DOK7: variants seen among roughly 807,000 people sequenced by gnomAD.
DOK7 encodes the protein docking protein 7.
DOK7 carries 32 observed loss-of-function variants against 30.7 expected under a neutral mutation model. The observed-to-expected ratio is 1.04, with a 90% CI of 0.79 to 1.40. DOK7 has a LOEUF of 1.40. Among genes scored for constraint, DOK7 ranks in the 40% most tolerant of loss-of-function variants. The probability of loss-of-function intolerance (pLI) is 0.00; values close to 1 mark genes in which losing one functional copy is unlikely to be tolerated. For synonymous variants in DOK7, 447 were observed against 324.1 expected (o/e 1.38, Z -4.07); for missense variants, 1,007 against 699.2 (o/e 1.44, Z -4.97).
At chr4:3,483,820 GCCAGCCA>G (rs1219019866) in intron 4 of DOK7, among the ~76,000 whole-genome samples, 1 of 152,220 alleles carries the variant, frequency 6.6e-6, no homozygotes, top group Admixed American at 6.5e-5. Flanking sequence ...CACTGAGTGA[GCCAGCCA>G]GCAGACAGCA....
chr4:3,485,539 G>T lies in DOK7; in HGVS notation c.533G>T (p.Trp178Leu). 1 of 1,601,060 alleles carries T rather than the reference G, an allele frequency of 6.2e-7. No individual in the cohort carries two copies. The highest frequency in any genetic ancestry group is 1.1e-5 in the South Asian group (1 of 89,450). ...ACCTGTCTCTGTCCTTCCTCTGCAG[G>T]GGCTGGCGTCTTCTTCCTGTCCTCG... The part of the protein sequence containing the change: ...IFEGGTRCGY[W>L]AGVFFLSSAE... The change falls in exon 5 of 7, where the codon TGG (tryptophan) becomes TTG (leucine). Residue 178 changes from tryptophan to leucine, a missense_variant and splice_region_variant. Physicochemically the swap from Trp to Leu is moderately conservative, Grantham distance 61. Coordinates refer to ENST00000340083, the MANE Select transcript of DOK7 (RefSeq NM_173660.5).
intron 5 of DOK7, among the ~76,000 whole-genome samples, chr4:3,487,223 C>T (rs968606988): frequency 1.2e-5 from 1 of 84,924 alleles, no homozygotes. Context: ...TCAGGCCACC[C>T]GGAGGTGGGT....
At chr4:3,476,282 G>T in intron 3 of DOK7, 60 bp from the exon 4 acceptor site, 2 of 275,090 alleles carry the variant, frequency 7.3e-6, no homozygotes, top group Non-Finnish European at 6.1e-6. Flanking sequence ...CACCCCACCC[G>T]CCCGTGATGT....
chr4:3,471,581 C>A (rs556458971), intron 2 of DOK7, among the ~76,000 whole-genome samples: 2 of 152,280 alleles, frequency 1.3e-5, no homozygotes, highest in South Asian at 4.1e-4. Context: ...CTGGGGCCCC[C>A]GTCCTGCGCG....
At chr4:3,491,927 A>G (rs542358105) in intron 6 of DOK7, among the ~76,000 whole-genome samples, 2 of 152,350 alleles carry the variant, frequency 1.3e-5, no homozygotes, top group South Asian at 4.1e-4. Flanking sequence ...TGGTCCGGCC[A>G]GTGCCCTCTG....
intron 6 of DOK7, among the ~76,000 whole-genome samples, chr4:3,490,167 A>C (rs1577173803): frequency 1.7e-4 from 8 of 46,338 alleles, no homozygotes; most frequent in East Asian, 1.4e-3. Flanking sequence ...CTGCTCATTC[A>C]TTTCTTCCTC....
intron 2 of DOK7, among the ~76,000 whole-genome samples, chr4:3,467,761 G>A (rs1027911367): frequency 6.6e-6 from 1 of 152,160 alleles, no homozygotes; most frequent in Non-Finnish European, 1.5e-5. Flanking sequence ...CACTGCTCAC[G>A]GTTCTGGGGG....
At chr4:3,470,606 C>T (rs1359211928) in intron 2 of DOK7, among the ~76,000 whole-genome samples, 4 of 152,170 alleles carry the variant, frequency 2.6e-5, no homozygotes, top group African/African-American at 7.2e-5. Flanking sequence ...TGTGAGAAGC[C>T]GTCGTGGCAA....
chr4:3,490,353 ACACT>A (rs1191249633), intron 6 of DOK7, among the ~76,000 whole-genome samples: 4 of 57,774 alleles, frequency 6.9e-5, no homozygotes, highest in African/African-American at 2.7e-4. Flanking sequence ...CCTTTTCCCC[ACACT>A]CATTCATTCC....
Position 3,476,401 on chromosome 4 carries a change from C to G in DOK7, c.391C>G (p.Leu131Val). 6.2e-7 allele frequency: 1 copy of G among 1,613,348 alleles called. No homozygotes were observed. Among genetic ancestry groups the G allele is most frequent in the South Asian group, 1.1e-5 (1 of 91,066 alleles). Residue 131 changes from leucine to valine, a missense_variant, in exon 4 of 7, where the codon CTG becomes GTG. Coordinates refer to ENST00000340083, the MANE Select transcript of DOK7 (RefSeq NM_173660.5). ...CAAGTTGGAGAGCGGCCCGGCTACC[C>G]TGCACCTCTGCAATGATGTCCTCGT... is the stretch of plus-strand genomic sequence containing the variant. ...GTKLESGPATLHLCNDVLVLA... is the reference protein window; with the variant it reads ...GTKLESGPATVHLCNDVLVLA...
chr4:3,482,722 C>T (rs1199698721), intron 4 of DOK7, among the ~76,000 whole-genome samples: 2 of 152,360 alleles, frequency 1.3e-5, no homozygotes, highest in South Asian at 2.1e-4. Context: ...AAACAGGAAA[C>T]ATGCGCACCC....
intron 6 of DOK7, among the ~76,000 whole-genome samples, chr4:3,492,537 G>T (rs1275877706): frequency 6.6e-6 from 1 of 152,156 alleles, no homozygotes; most frequent in Non-Finnish European, 1.5e-5. Context: ...AGGAGAACAG[G>T]TGGCAGAAGG....
exon 8 of DOK7, chr4:3,500,731 C>T (rs1456910041): frequency 2.0e-6 from 3 of 1,535,706 alleles, no homozygotes; most frequent in Admixed American, 3.9e-5. Flanking sequence ...GACATCATGG[C>T]CACCGAGACG....
rs538003796 is a variant in DOK7, at chr4:3,481,445, G to A, written c.533-4094G>A. On this transcript the variant is annotated intron_variant, in intron 4 of 6. Coordinates refer to ENST00000340083, the MANE Select transcript of DOK7 (RefSeq NM_173660.5). ...GGAGGAGGGCCGGCCCGGGAAGGGG[G>A]GGCCTTCTAGAGTGGTGCCCCTGGA... Among the ~76,000 whole-genome samples the A allele has an allele frequency of 6.8e-5, 9 of 132,960 alleles. No homozygotes were observed. In the East Asian group the frequency reaches 1.9e-3, roughly 28 times the overall value. 87.2% of individuals were successfully genotyped at this position (132,960 alleles called of 152,430 possible). A position where few individuals can be genotyped will look rare whatever the true frequency, so the allele number is the denominator to read the frequency against.
exon 8 of DOK7, chr4:3,500,721 G>A (rs1341930061): frequency 2.7e-5 from 42 of 1,535,644 alleles, no homozygotes; most frequent in Non-Finnish European, 3.5e-5. Context: ...CGCCCAGATC[G>A]ACATCATGGC....
rs2071700 is a variant in DOK7, at chr4:3,500,576, G to C, written c.1262-116G>C. On this transcript the variant is annotated intron_variant, in intron 7 of 7. Coordinates refer to the DOK7 transcript ENST00000643608. Reference sequence around the variant, plus strand: ...TCCCTGGCCAGGCCACATCCCCTGAGGGTGTCCCCACTCAGATGCTTCCGA... The same window carrying C: ...TCCCTGGCCAGGCCACATCCCCTGACGGTGTCCCCACTCAGATGCTTCCGA... The C allele has an allele frequency of 0.36, 538,384 of 1,505,956 alleles. 99,635 individuals carry two copies. The highest frequency in any genetic ancestry group is 0.56 in the Admixed American group (27,406 of 48,980). 93.3% of individuals were successfully genotyped at this position (1,505,956 alleles called of 1,614,324 possible).
chr4:3,485,706 G>A, intron 5 of DOK7, 48 bp downstream of exon 5: 1 of 1,481,676 alleles, frequency 6.7e-7, no homozygotes, highest in South Asian at 1.4e-5. Context: ...TCGGCAGGCT[G>A]TGCGACGTCC....
At chr4:3,486,882 G>A (rs536449132) in intron 5 of DOK7, among the ~76,000 whole-genome samples, 40 of 152,238 alleles carry the variant, frequency 2.6e-4, no homozygotes, top group Admixed American at 1.1e-3. Context: ...GCAGGAGGCT[G>A]AGCAGGGCTC....
At position 3,491,059 on chromosome 4, in the gene DOK7, C is replaced by G. The variant is rs578171659; in HGVS notation, c.772+1263C>G. Among the ~76,000 whole-genome samples the G allele has an allele frequency of 1.4e-4, 14 of 99,130 alleles. No individual in the cohort carries two copies. The Admixed American group carries it at 1.6e-3, about 11-fold the overall frequency. The allele number at this position is 99,130 out of a possible 152,430, so 65.0% of individuals were successfully genotyped here. Reference sequence around the variant, plus strand: ...CCCCCATTCCTTCCTTTCTTTTCCCCCGGCTCATTCCTTCCTTCTCCCCAC... The same window carrying G: ...CCCCCATTCCTTCCTTTCTTTTCCCGCGGCTCATTCCTTCCTTCTCCCCAC... On this transcript the variant is annotated intron_variant, in intron 6 of 6. Coordinates refer to ENST00000340083, the MANE Select transcript of DOK7 (RefSeq NM_173660.5).
Sources: gnomAD v4.1 joint callset for allele counts (sites outside exome capture counted in the v4.1 genomes callset) on GRCh38, gnomAD v4.1.1 for gene constraint, MANE v1.5 for transcripts, NCBI Gene and HGNC (gene_info 2026-07-23, HGNC 2026-07-21) for gene names.